Variants in BCLAF1 observed in about 807,000 individuals in gnomAD.
BCLAF1 encodes the protein BCL2 associated transcription factor 1.
In BCLAF1, 10 loss-of-function variants were observed where a neutral mutation model predicts 99.5. The observed-to-expected ratio is 0.10, with a 90% CI of 0.06 to 0.17. BCLAF1 has a LOEUF of 0.17. BCLAF1 is among the 10% of genes least tolerant of loss of function. The pLI is 1.00. For synonymous variants in BCLAF1, 255 were observed against 370.9 expected (o/e 0.69, Z 3.59); for missense variants, 636 against 1,105.8 (o/e 0.58, Z 6.02).
rs564913809 is a variant in BCLAF1 at position 136,260,331 on chromosome 6, T to A, written c.*779A>T. The A allele has an allele frequency of 2.0e-5, 3 of 152,008 alleles. No individual in the cohort carries two copies. The highest frequency in any genetic ancestry group is 4.4e-5 in the Non-Finnish European group (3 of 67,906). The allele number at this position is 152,008 out of a possible 1,614,324, so 9.4% of individuals were successfully genotyped here. A position where few individuals can be genotyped will look rare whatever the true frequency, so the allele number is the denominator to read the frequency against. On this transcript the variant is annotated 3_prime_UTR_variant, in exon 13 of 13. Transcript: ENST00000531224. ...TTTGCAGTATTGTTACAAACCAGTTTCCTCTCACAAATAGCTAATATCTAA... is the reference window on the plus strand; with the variant it reads ...TTTGCAGTATTGTTACAAACCAGTTACCTCTCACAAATAGCTAATATCTAA...
chr6:136,273,230 TTTA>T lies in BCLAF1; in HGVS notation c.1853-46_1853-44del. On this transcript the variant is annotated intron_variant, in intron 6 of 12. Coordinates refer to ENST00000531224, the MANE Select transcript of BCLAF1 (RefSeq NM_014739.3). ...ATACTGTCCGATTAGTTAACTTTAC[TTTA>T]AGAGAGATTTGTTTGTGACAGAAGG... 3 of 1,534,858 alleles carry T rather than the reference TTTA, an allele frequency of 2.0e-6. 1 individual carries two copies. The Middle Eastern group carries it at 5.1e-4, about 263-fold the overall frequency.
chr6:136,280,887 T>C (rs1784304552), intron 2 of BCLAF1, among the ~76,000 whole-genome samples: 1 of 152,198 alleles, frequency 6.6e-6, no homozygotes, highest in Admixed American at 6.5e-5. Context: ...ACTCAAAAAG[T>C]ATTCATTTCA....
intron 7 of BCLAF1, 102 bp from the exon 8 acceptor site, chr6:136,272,181 A>G: frequency 1.3e-6 from 1 of 779,646 alleles, no homozygotes; most frequent in South Asian, 1.9e-5. Flanking sequence ...TTTCTCTCCC[A>G]ATCAACTAAT....
rs540843600 is a variant in BCLAF1 at position 136,259,475 on chromosome 6, G to A, written c.*1635C>T. Reference sequence around the variant, plus strand: ...CGTAAATAAGTATTATTCTGAACAGGAGAATATTAGTTATGCCCTGATTAA... The same window carrying A: ...CGTAAATAAGTATTATTCTGAACAGAAGAATATTAGTTATGCCCTGATTAA... On this transcript the variant is annotated 3_prime_UTR_variant, in exon 13 of 13. Coordinates refer to ENST00000531224, the MANE Select transcript of BCLAF1 (RefSeq NM_014739.3). The A allele has an allele frequency of 1.3e-5, 2 of 151,992 alleles. No homozygotes were observed. The highest frequency in any genetic ancestry group is 2.9e-5 in the Non-Finnish European group (2 of 67,894). 9.4% of individuals were successfully genotyped at this position (151,992 alleles called of 1,614,324 possible).
rs1384550846 is a variant in BCLAF1, at chr6:136,259,167, A to C, written c.*1943T>G. ...CTAGCCTACTACACTCTGGTATAAT[A>C]CTCTTTCTTCAATTCTGTTTAACAG... On this transcript the variant is annotated 3_prime_UTR_variant, in exon 13 of 13. Coordinates refer to ENST00000531224, the MANE Select transcript of BCLAF1 (RefSeq NM_014739.3). 1.3e-5 allele frequency: 2 copies of C among 152,078 alleles called. No individual in the cohort carries two copies. The highest frequency in any genetic ancestry group is 2.9e-5 in the Non-Finnish European group (2 of 67,902). 9.4% of individuals were successfully genotyped at this position (152,078 alleles called of 1,614,324 possible).
rs112744301 is a variant in BCLAF1, at chr6:136,261,174, A to G, written c.2758-59T>C. Reference sequence around the variant, plus strand: ...AAGATGCGGAGAGTGAAAAGGAACCATATTAATAATTGTTCCTAAAAATGA... The same window carrying G: ...AAGATGCGGAGAGTGAAAAGGAACCGTATTAATAATTGTTCCTAAAAATGA... On this transcript the variant is annotated intron_variant, in intron 12 of 12. Transcript: ENST00000531224. 548 of 1,563,442 alleles carry G rather than the reference A, an allele frequency of 3.5e-4. 4 individuals carry two copies. The African/African-American group carries it at 7.0e-3, about 20-fold the overall frequency.
At position 136,259,377 on chromosome 6, in the gene BCLAF1, T is replaced by C. The variant is rs957217123; in HGVS notation, c.*1733A>G. 1.3e-5 allele frequency: 2 copies of C among 152,082 alleles called. No individual in the cohort carries two copies. The highest frequency in any genetic ancestry group is 2.1e-4 in the South Asian group (1 of 4,828). 9.4% of individuals were successfully genotyped at this position (152,082 alleles called of 1,614,324 possible). A position where few individuals can be genotyped will look rare whatever the true frequency, so the allele number is the denominator to read the frequency against. On this transcript the variant is annotated 3_prime_UTR_variant, in exon 13 of 13. Transcript: ENST00000531224. ...TTGATGTCTAACCAAGTAACTGTTATGGTATTTATTTGTATACAATAAAAG... is the reference window on the plus strand; with the variant it reads ...TTGATGTCTAACCAAGTAACTGTTACGGTATTTATTTGTATACAATAAAAG...
intron 11 of BCLAF1, among the ~76,000 whole-genome samples, chr6:136,264,167 C>CAT (rs1781407399): frequency 6.6e-6 from 1 of 152,160 alleles, no homozygotes; most frequent in African/African-American, 2.4e-5. Flanking sequence ...CAGCACCTAG[C>CAT]ATAGTACATG....
In BCLAF1 at chr6:136,260,568, C is replaced by CT. The variant is rs1780831967; in HGVS notation, c.*541dup. 1 of 152,902 alleles carries CT rather than the reference C, an allele frequency of 6.5e-6. No homozygotes were observed. The highest frequency in any genetic ancestry group is 1.5e-5 in the Non-Finnish European group (1 of 68,594). 9.5% of individuals were successfully genotyped at this position (152,902 alleles called of 1,614,324 possible). A position where few individuals can be genotyped will look rare whatever the true frequency, so the allele number is the denominator to read the frequency against. ...TTTTTAATTCCTTCTTAAGCATTTG[C>CT]TCAAGTGTTAAACTAGCTTAGTTTA... On this transcript the variant is annotated 3_prime_UTR_variant, in exon 13 of 13. Coordinates refer to ENST00000531224, the MANE Select transcript of BCLAF1 (RefSeq NM_014739.3).
intron 9 of BCLAF1, chr6:136,269,118 G>T: frequency 8.5e-7 from 1 of 1,182,064 alleles, no homozygotes; most frequent in East Asian, 5.7e-5. Flanking sequence ...GCGGAATCAA[G>T]CATAACGAAC....
chr6:136,268,527 C>T, intron 9 of BCLAF1, 188 bp from the exon 10 acceptor site: 1 of 577,378 alleles, frequency 1.7e-6, no homozygotes, highest in Non-Finnish European at 3.0e-6. Context: ...TGTTTTACAT[C>T]AATAATGAAA....
In BCLAF1 at chr6:136,257,229, T is replaced by G. The variant is rs1780523075; in HGVS notation, c.*3881A>C. 6.6e-6 allele frequency: 1 copy of G among 152,230 alleles called. No individual in the cohort carries two copies. Among genetic ancestry groups the G allele is most frequent in the African/African-American group, 2.4e-5 (1 of 41,458 alleles). 9.4% of individuals were successfully genotyped at this position (152,230 alleles called of 1,614,324 possible). A position where few individuals can be genotyped will look rare whatever the true frequency, so the allele number is the denominator to read the frequency against. ...AAAATATCCATAGGAAAAATTTTCC[T>G]ATATACAGATTACAATTAAGACACA... On this transcript the variant is annotated 3_prime_UTR_variant, in exon 13 of 13. Coordinates refer to ENST00000531224, the MANE Select transcript of BCLAF1 (RefSeq NM_014739.3).
intron 1 of BCLAF1, among the ~76,000 whole-genome samples, chr6:136,284,128 G>GTATATATATATATATATA (rs1242722909): frequency 3.9e-4 from 32 of 81,334 alleles, no homozygotes; most frequent in African/African-American, 1.4e-3. Flanking sequence ...GTGTGTGTGT[G>GTATATATATATATATATA]TGTATATATA....
chr6:136,261,578 T>C, intron 11 of BCLAF1, 101 bp from the exon 12 acceptor site: 1 of 1,211,670 alleles, frequency 8.3e-7, no homozygotes, highest in South Asian at 1.4e-5. Context: ...AGATTGGGTA[T>C]ATGAGATTGG....
chr6:136,288,902 A>T (rs1785537876), intron 1 of BCLAF1, among the ~76,000 whole-genome samples: 1 of 152,206 alleles, frequency 6.6e-6, no homozygotes, highest in Non-Finnish European at 1.5e-5. Context: ...AGTACTCATG[A>T]AGAACCGCAC....
intron 7 of BCLAF1, among the ~76,000 whole-genome samples, chr6:136,272,451 T>C (rs955924137): frequency 4.6e-5 from 7 of 152,042 alleles, no homozygotes; most frequent in Middle Eastern, 3.4e-3. Flanking sequence ...CAGTGCCCCT[T>C]TAGTTTTATT....
intron 2 of BCLAF1, among the ~76,000 whole-genome samples, chr6:136,280,345 G>T (rs1562262625): frequency 6.6e-6 from 1 of 152,144 alleles, no homozygotes; most frequent in Non-Finnish European, 1.5e-5. Flanking sequence ...TTATGGCCTT[G>T]AAAATGAGAC....
intron 9 of BCLAF1, chr6:136,269,002 T>TAC (rs1428580704): frequency 1.8e-6 from 1 of 559,332 alleles, no homozygotes; most frequent in African/African-American, 2.0e-5. Flanking sequence ...GAAAGACTAA[T>TAC]ACACATTGCT....
intron 1 of BCLAF1, among the ~76,000 whole-genome samples, chr6:136,285,370 T>C (rs548752435): frequency 9.8e-5 from 15 of 152,296 alleles, no homozygotes; most frequent in Non-Finnish European, 1.9e-4. Context: ...GATTCAAGCA[T>C]CTGGGAGGAC....
Sources: allele counts gnomAD v4.1 joint callset (sites outside exome capture counted in the v4.1 genomes callset), GRCh38; gene constraint gnomAD v4.1.1; transcripts MANE v1.5; gene names NCBI Gene and HGNC (gene_info 2026-07-23, HGNC 2026-07-21).